ATXN1: variants seen among roughly 807,000 people sequenced by gnomAD.
The protein encoded by ATXN1 is ataxin 1.
In ATXN1, 8 loss-of-function variants were observed where a neutral mutation model predicts 56.4. That is an observed-to-expected ratio of 0.14 (90% CI 0.08 to 0.26). The LOEUF (loss-of-function observed/expected upper bound fraction) is 0.26, where lower values mean the gene tolerates loss of function less well. ATXN1 is among the 10% of genes least tolerant of loss of function. The pLI is 1.00. For missense variants in ATXN1, 987 were observed against 1,106.5 expected (o/e 0.89, Z 1.53); for synonymous variants, 514 against 494.6 (o/e 1.04, Z -0.52).
At chr6:16,362,098 C>G (rs949414661) in intron 6 of ATXN1, among the ~76,000 whole-genome samples, 2 of 152,108 alleles carry the variant, frequency 1.3e-5, no homozygotes, top group Non-Finnish European at 2.9e-5. Flanking sequence ...GTAGACATTC[C>G]GTAACTGGTG....
chr6:16,328,232 C>A lies in ATXN1; in HGVS notation c.79G>T (p.Glu27Ter). ...REIPATSRSS[E>*]EKAPTLPSDN... ...CTGGGCAGGGTAGGGGCCTTCTCCT[C>A]GGAGGACCGGCTGGTGGCGGGGATC... The change falls in exon 7 of 8, where the codon GAG becomes TAG. Residue 27 changes from glutamate (E) to a stop codon, truncating the protein, a stop_gained. Transcript: ENST00000436367. LOFTEE classifies it high-confidence loss of function. The surrounding 1 kb of genome is among the most constrained non-coding windows in gnomAD (Gnocchi z 6.2). 1 of 1,571,090 alleles carries A rather than the reference C, an allele frequency of 6.4e-7. No individual in the cohort carries two copies. The highest frequency in any genetic ancestry group is 8.6e-7 in the Non-Finnish European group (1 of 1,156,362).
At chr6:16,633,054 G>C (rs1332349113) in intron 3 of ATXN1, among the ~76,000 whole-genome samples, 1 of 152,076 alleles carries the variant, frequency 6.6e-6, no homozygotes, top group African/African-American at 2.4e-5. Context: ...AGACAATTTG[G>C]AGTTTAAGGG....
intron 3 of ATXN1, among the ~76,000 whole-genome samples, chr6:16,647,050 G>A (rs1418151191): frequency 6.6e-6 from 1 of 152,084 alleles, no homozygotes; most frequent in East Asian, 1.9e-4. Flanking sequence ...TGTCACCCAG[G>A]CTGGAATGCA....
intron 6 of ATXN1, among the ~76,000 whole-genome samples, chr6:16,344,813 C>T (rs1761342282): frequency 6.6e-6 from 1 of 152,210 alleles, no homozygotes; most frequent in South Asian, 2.1e-4. Flanking sequence ...ATACATCTAT[C>T]CTATTAGTCC....
intron 6 of ATXN1, among the ~76,000 whole-genome samples, chr6:16,449,485 A>G (rs1238834815): frequency 1.3e-5 from 2 of 152,134 alleles, no homozygotes; most frequent in Non-Finnish European, 2.9e-5. Context: ...CCTCAGGCTT[A>G]TGAGTTTCTT....
rs189263519 is a variant in ATXN1, at chr6:16,590,159, A to G, written c.-488-4252T>C. ...TGGACAGAGTAATGTGACTTCATAAATAAATACTAAGGATTTGACTAATGA... is the reference window on the plus strand; with the variant it reads ...TGGACAGAGTAATGTGACTTCATAAGTAAATACTAAGGATTTGACTAATGA... On this transcript the variant is annotated intron_variant, in intron 3 of 7. Coordinates refer to ENST00000436367, the MANE Select transcript of ATXN1 (RefSeq NM_001128164.2). Among the ~76,000 whole-genome samples the G allele has an allele frequency of 3.3e-4, 51 of 152,354 alleles. No individual in the cohort carries two copies. The Middle Eastern group carries it at 0.02, about 61-fold the overall frequency.
chr6:16,328,137 C>A lies in ATXN1; in HGVS notation c.174G>T (p.Gly58=), dbSNP rs201396331. Reference sequence around the variant, plus strand: ...CCGAGGTCCCTGCCGGCCCATGCCTCCCGCCCCCGTGGCCCCGGCCACCAG... The same window carrying A: ...CCGAGGTCCCTGCCGGCCCATGCCTACCGCCCCCGTGGCCCCGGCCACCAG... ...GNPGGRGHGG[G]RHGPAGTSVE... is the part of the protein sequence containing the mutation. Residue 58 remains glycine (G), a synonymous_variant, in exon 7 of 8, where the codon GGG becomes GGT. Coordinates refer to ENST00000436367, the MANE Select transcript of ATXN1 (RefSeq NM_001128164.2). This position sits in a 1 kb window ranked among gnomAD's most constrained non-coding sequence, Gnocchi z 6.2. 6.3e-7 allele frequency: 1 copy of A among 1,583,632 alleles called. No individual in the cohort carries two copies. Among genetic ancestry groups the A allele is most frequent in the Non-Finnish European group, 8.6e-7 (1 of 1,161,602 alleles).
intron 6 of ATXN1, among the ~76,000 whole-genome samples, chr6:16,372,914 AAAATAAAT>A (rs751592908): frequency 9.9e-5 from 15 of 151,258 alleles, no homozygotes; most frequent in South Asian, 2.1e-4. Context: ...ACACTGTATC[AAAATAAAT>A]AAATAAATAA....
chr6:16,580,776 C>G (rs1057329081), intron 4 of ATXN1, among the ~76,000 whole-genome samples: 3 of 152,138 alleles, frequency 2.0e-5, no homozygotes, highest in African/African-American at 7.2e-5. Context: ...ACACAATATA[C>G]TCTTGAATCT....
intron 2 of ATXN1, among the ~76,000 whole-genome samples, chr6:16,743,401 A>G (rs1489963617): frequency 6.6e-6 from 1 of 152,216 alleles, no homozygotes; most frequent in African/African-American, 2.4e-5. Context: ...AACAGGTGCC[A>G]TAGCTTTTTC....
chr6:16,312,031 G>GAGGC (rs1194818503), intron 7 of ATXN1, among the ~76,000 whole-genome samples: 7 of 152,192 alleles, frequency 4.6e-5, no homozygotes, highest in Admixed American at 1.3e-4. Context: ...TACCCATGGA[G>GAGGC]AGGCCCTTGG....
chr6:16,491,898 G>A (rs375466685), intron 5 of ATXN1, among the ~76,000 whole-genome samples: 3 of 152,172 alleles, frequency 2.0e-5, no homozygotes, highest in South Asian at 4.1e-4. Flanking sequence ...CAAGTCATAT[G>A]GCAAGGAACT....
At chr6:16,442,635 C>T (rs1399742636) in intron 6 of ATXN1, among the ~76,000 whole-genome samples, 2 of 152,158 alleles carry the variant, frequency 1.3e-5, no homozygotes, top group Non-Finnish European at 2.9e-5. Flanking sequence ...TTCAAAATCA[C>T]TCAGAGTTGG....
At chr6:16,350,935 T>C (rs561926363) in intron 6 of ATXN1, among the ~76,000 whole-genome samples, 53 of 151,950 alleles carry the variant, frequency 3.5e-4, no homozygotes, top group African/African-American at 1.2e-3. Flanking sequence ...ATAAAAAAAT[T>C]TAGGCAGGTG....
chr6:16,404,695 C>T (rs537667034), intron 6 of ATXN1, among the ~76,000 whole-genome samples: 4 of 132,050 alleles, frequency 3.0e-5, no homozygotes, highest in East Asian at 2.2e-4. Flanking sequence ...CACGCGCACT[C>T]GCGCGCGCGC....
chr6:16,707,624 G>C (rs978780001), intron 2 of ATXN1, among the ~76,000 whole-genome samples: 1 of 152,182 alleles, frequency 6.6e-6, no homozygotes, highest in African/African-American at 2.4e-5. Flanking sequence ...TGATGCAGCT[G>C]AGAGTTATTT....
chr6:16,320,545 C>T (rs889987071), intron 7 of ATXN1, among the ~76,000 whole-genome samples: 1 of 152,232 alleles, frequency 6.6e-6, no homozygotes, highest in Non-Finnish European at 1.5e-5. Context: ...TTCAGAGAAG[C>T]TGAACCTAGG....
Position 16,406,489 on chromosome 6 carries a change from G to T in ATXN1, c.-160-78019C>A, listed in dbSNP as rs558772103. On this transcript the variant is annotated intron_variant, in intron 6 of 7. Coordinates refer to ENST00000436367, the MANE Select transcript of ATXN1 (RefSeq NM_001128164.2). The stretch of plus-strand genomic sequence containing the variant: ...CCTTAATGTAAAAAGTAAAGTAGAG[G>T]TTCCTCTTCAAAGATTTTCCTCCCC... Among the ~76,000 whole-genome samples, 3 of 152,250 alleles carry T rather than the reference G, an allele frequency of 2.0e-5. No homozygotes were observed. The East Asian group carries it at 5.8e-4, about 29-fold the overall frequency.
At chr6:16,571,765 A>G (rs1762336288) in intron 4 of ATXN1, among the ~76,000 whole-genome samples, 1 of 152,098 alleles carries the variant, frequency 6.6e-6, no homozygotes, top group Non-Finnish European at 1.5e-5. Flanking sequence ...GACTCAAGTG[A>G]TCCTCCTACA....
Sources: gnomAD v4.1 joint callset for allele counts (sites outside exome capture counted in the v4.1 genomes callset) on GRCh38, gnomAD v4.1.1 for gene constraint, Gnocchi (gnomAD v3.1) non-coding constraint, MANE v1.5 for transcripts, NCBI Gene and HGNC (gene_info 2026-07-23, HGNC 2026-07-21) for gene names.